The following NUMB variants were observed in gnomAD, a reference collection of about 807,000 sequenced individuals.
The protein encoded by NUMB is protein numb homolog.
Under a neutral mutation model 59.7 loss-of-function variants are expected in NUMB, and 29 were observed. The observed-to-expected ratio is 0.49, with a 90% CI of 0.36 to 0.66. NUMB has a LOEUF of 0.66. NUMB is among the 30% of genes least tolerant of loss of function. The pLI is 0.00. For synonymous variants in NUMB, 288 were observed against 288.2 expected, an observed-to-expected ratio of 1.00 and a Z score of 0.01; for missense variants, 723 against 822.0, an observed-to-expected ratio of 0.88 and a Z score of 1.47.
intron 4 of NUMB, among the ~76,000 whole-genome samples, chr14:73,347,195 C>T (rs116354998): frequency 0.016 from 2,428 of 151,932 alleles, 66 homozygotes; most frequent in African/African-American, 0.056. Context: ...TGGTTTTAAC[C>T]CCCCACCCCA....
chr14:73,372,550 A>G (rs1418831372), intron 2 of NUMB, among the ~76,000 whole-genome samples: 3 of 150,512 alleles, frequency 2.0e-5, no homozygotes, highest in Non-Finnish European at 4.4e-5. Context: ...ACAACTTCCA[A>G]TTCAAATCCA....
At chr14:73,340,850 C>T (rs889332088) in intron 4 of NUMB, among the ~76,000 whole-genome samples, 1 of 152,142 alleles carries the variant, frequency 6.6e-6, no homozygotes, top group African/African-American at 2.4e-5. Flanking sequence ...TTGTAATCGC[C>T]ATGTGTCACG....
chr14:73,276,910 C>T lies in NUMB; in HGVS notation c.1624G>A (p.Ala542Thr). 1 of 1,614,092 alleles carries T rather than the reference C, an allele frequency of 6.2e-7. No individual in the cohort carries two copies. Residue 542 changes from alanine (A) to threonine (T), a missense_variant, in exon 13 of 13, where the codon GCA becomes ACA. By Grantham distance (58) the Ala-to-Thr change is moderately conservative (BLOSUM62 0). Around this residue, in one of 2 missense-constraint regions of NUMB, gnomAD observed 406 missense variants for 385.4 expected, o/e 1.05. Coordinates refer to ENST00000555238, the MANE Select transcript of NUMB (RefSeq NM_001005743.2). ...SQMVANVFGTAGHPQAAHPHQ... is the reference protein window; with the variant it reads ...SQMVANVFGTTGHPQAAHPHQ... The stretch of plus-strand genomic sequence containing the variant: ...GGATGGGCAGCCTGAGGGTGGCCTG[C>T]AGTGCCAAATACGTTGGCCACCATC...
At chr14:73,373,732 A>G (rs1040221469) in intron 2 of NUMB, among the ~76,000 whole-genome samples, 3 of 144,506 alleles carry the variant, frequency 2.1e-5, no homozygotes, top group Non-Finnish European at 4.5e-5. Flanking sequence ...TTTTAAAGAC[A>G]GGGTCTTACT....
intron 1 of NUMB, among the ~76,000 whole-genome samples, chr14:73,433,443 A>G (rs930810583): frequency 5.3e-5 from 8 of 152,222 alleles, no homozygotes; most frequent in African/African-American, 1.9e-4. Flanking sequence ...TTTTTAAAGT[A>G]GTAGTGCTAT....
chr14:73,309,831 T>G (rs891897603), intron 6 of NUMB, among the ~76,000 whole-genome samples: 1 of 151,038 alleles, frequency 6.6e-6, no homozygotes, highest in Non-Finnish European at 1.5e-5. Context: ...AAATATAAAA[T>G]AGAATGTAGA....
rs191453557 is a variant in NUMB at position 73,334,005 on chromosome 14, C to A, written c.127-10801G>T. 3.9e-3 allele frequency among the ~76,000 whole-genome samples: 599 copies of A among 152,036 alleles called. 1 individual carries two copies. The highest frequency in any genetic ancestry group is 6.5e-3 in the Non-Finnish European group (443 of 67,956). ...TCAGCCTCCCAAGTAGCTGGGACCA[C>A]AGGCATCTGCCACCATACCAGGCTA... On this transcript the variant is annotated intron_variant, in intron 4 of 12. Coordinates refer to ENST00000555238, the MANE Select transcript of NUMB (RefSeq NM_001005743.2).
chr14:73,452,064 C>A (rs1200015782), intron 1 of NUMB, among the ~76,000 whole-genome samples: 2 of 151,508 alleles, frequency 1.3e-5, no homozygotes, highest in African/African-American at 2.4e-5. Flanking sequence ...TCTCTACCCC[C>A]CAAAAAAAAA....
intron 4 of NUMB, among the ~76,000 whole-genome samples, chr14:73,327,989 T>C (rs1181963766): frequency 6.6e-6 from 1 of 152,182 alleles, no homozygotes; most frequent in Non-Finnish European, 1.5e-5. Flanking sequence ...AGAATTATCA[T>C]ATTGGCTGGG....
At chr14:73,447,445 G>A (rs1366535463) in intron 1 of NUMB, among the ~76,000 whole-genome samples, 6 of 151,968 alleles carry the variant, frequency 3.9e-5, no homozygotes, top group South Asian at 2.1e-4. Flanking sequence ...CCGAGATCAC[G>A]CCATTGCGCT....
At chr14:73,307,285 G>C (rs897895700) in intron 6 of NUMB, among the ~76,000 whole-genome samples, 1 of 149,368 alleles carries the variant, frequency 6.7e-6, no homozygotes, top group African/African-American at 2.5e-5. Context: ...CTCCAGCCTG[G>C]GCAACAGAGT....
intron 10 of NUMB, among the ~76,000 whole-genome samples, chr14:73,282,770 TTTC>T (rs1258675522): frequency 1.3e-5 from 2 of 152,214 alleles, no homozygotes; most frequent in African/African-American, 2.4e-5. Context: ...AATTTCTTCA[TTTC>T]TTCTTCTTAT....
chr14:73,308,248 T>C (rs192625910), intron 6 of NUMB, among the ~76,000 whole-genome samples: 1 of 151,544 alleles, frequency 6.6e-6, no homozygotes, highest in East Asian at 1.9e-4. Context: ...GTTGATGGAG[T>C]GGATGTAGGG....
At chr14:73,451,923 G>C (rs1884005001) in intron 1 of NUMB, among the ~76,000 whole-genome samples, 1 of 152,118 alleles carries the variant, frequency 6.6e-6, no homozygotes, top group African/African-American at 2.4e-5. Flanking sequence ...AGATTTTGCT[G>C]TCCTACTCAG....
At chr14:73,383,657 G>C (rs867296040) in intron 2 of NUMB, among the ~76,000 whole-genome samples, 4 of 152,138 alleles carry the variant, frequency 2.6e-5, no homozygotes, top group African/African-American at 7.2e-5. Flanking sequence ...TAAAAAGCAT[G>C]AAAGAAAACC....
At chr14:73,357,065 T>TAA in intron 3 of NUMB, 1 of 928,950 alleles carries the variant, frequency 1.1e-6, no homozygotes, top group Non-Finnish European at 1.3e-6. Flanking sequence ...TATAGTAACA[T>TAA]AAAAAAAATG....
chr14:73,337,154 ATCATC>A (rs1054063775), intron 4 of NUMB, among the ~76,000 whole-genome samples: 2 of 152,072 alleles, frequency 1.3e-5, no homozygotes, highest in African/African-American at 2.4e-5. Flanking sequence ...AAAAATCATA[ATCATC>A]TCAATAAGTA....
intron 2 of NUMB, among the ~76,000 whole-genome samples, chr14:73,408,386 T>C (rs1896769893): frequency 6.6e-6 from 1 of 152,098 alleles, no homozygotes; most frequent in Non-Finnish European, 1.5e-5. Flanking sequence ...CTCAAATTTA[T>C]ATTGGAAATC....
intron 3 of NUMB, among the ~76,000 whole-genome samples, chr14:73,361,597 C>T (rs1268873011): frequency 6.6e-6 from 1 of 151,988 alleles, no homozygotes; most frequent in Non-Finnish European, 1.5e-5. Flanking sequence ...ATCTTTTCTG[C>T]TCCTCTCCCT....
Sources: gnomAD v4.1 joint callset for allele counts (sites outside exome capture counted in the v4.1 genomes callset) on GRCh38, gnomAD v4.1.1 for gene constraint, gnomAD v4.1.1 regional missense constraint, MANE v1.5 for transcripts, NCBI Gene and HGNC (gene_info 2026-07-23, HGNC 2026-07-21) for gene names.